SHANK1: variants seen among roughly 807,000 people sequenced by gnomAD.
The protein encoded by SHANK1 is SH3 and multiple ankyrin repeat domains 1, also known as SH3 and multiple ankyrin repeat domains protein 1.
Under a neutral mutation model 165.6 loss-of-function variants are expected in SHANK1, and 35 were observed. The observed-to-expected ratio is 0.21, with a 90% CI of 0.16 to 0.28. SHANK1 has a LOEUF of 0.28. SHANK1 is among the 10% of genes least tolerant of loss of function. The pLI is 1.00. For synonymous variants in SHANK1, 1,428 were observed against 1,384.8 expected (o/e 1.03, Z -0.69); for missense variants, 2,681 against 3,036.4 (o/e 0.88, Z 2.75).
rs995429211 is a variant in SHANK1 at position 50,660,250 on chromosome 19, C to G, written c.*1715G>C. On this transcript the variant is annotated 3_prime_UTR_variant, in exon 24 of 24. Transcript: ENST00000293441. Reference sequence around the variant, plus strand: ...GAGAGAGGAAGCGTGCGGGAAGGAACAGCCATGCTGGAGGGAGAGGGAGCT... The same window carrying G: ...GAGAGAGGAAGCGTGCGGGAAGGAAGAGCCATGCTGGAGGGAGAGGGAGCT... 4.4e-5 allele frequency among the ~76,000 whole-genome samples: 5 copies of G among 113,668 alleles called. No individual in the cohort carries two copies. Among genetic ancestry groups the G allele is most frequent in the African/African-American group, 1.3e-4 (5 of 37,170 alleles). The allele number at this position is 113,668 out of a possible 152,430, so 74.6% of individuals were successfully genotyped here.
At chr19:50,704,291 A>G (rs2088910942) in intron 9 of SHANK1, 105 bp from the exon 10 acceptor site, 2 of 1,341,322 alleles carry the variant, frequency 1.5e-6, no homozygotes, top group Non-Finnish European at 2.1e-6. Flanking sequence ...TTCCACTCCG[A>G]CAATGCCGCC....
rs113910323 is a variant in SHANK1 at position 50,718,705 on chromosome 19, G to A, written c.-44+701C>T. 2.0e-4 allele frequency among the ~76,000 whole-genome samples: 31 copies of A among 151,758 alleles called. No homozygotes were observed. Among genetic ancestry groups the A allele is most frequent in the African/African-American group, 7.2e-4 (30 of 41,398 alleles). On this transcript the variant is annotated intron_variant, in intron 1 of 23. Transcript: ENST00000293441. The surrounding 1 kb of genome is among the most constrained non-coding windows in gnomAD (Gnocchi z 5.1). The stretch of plus-strand genomic sequence containing the variant: ...GGGGGCGGCTGGCGTGGCCGAGAGC[G>A]GGGCCGGGGAGAATGAATGGAGGCG...
chr19:50,676,722 A>C (rs1187461240), intron 21 of SHANK1, among the ~76,000 whole-genome samples: 1 of 152,106 alleles, frequency 6.6e-6, no homozygotes, highest in East Asian at 1.9e-4. Context: ...AGCCCACCCC[A>C]ATACTCTTTC....
At chr19:50,685,397 C>T (rs1009223747) in intron 21 of SHANK1, among the ~76,000 whole-genome samples, 1 of 152,160 alleles carries the variant, frequency 6.6e-6, no homozygotes, top group African/African-American at 2.4e-5. Context: ...GTGTACCTCC[C>T]AGGATGAATC....
chr19:50,664,632 A>C lies in SHANK1; in HGVS notation c.5768+1560T>G, dbSNP rs114098039. Among the ~76,000 whole-genome samples, 1,315 of 152,308 alleles carry C rather than the reference A, an allele frequency of 8.6e-3. 20 individuals are homozygous for C. The highest frequency in any genetic ancestry group is 0.03 in the African/African-American group (1,239 of 41,568). ...AGGTGGGCTCTAGAACCACACCTAT[A>C]ACTGCATCCTGTCTTGAACCACACT... On this transcript the variant is annotated intron_variant, in intron 23 of 23. Transcript: ENST00000293441.
chr19:50,701,642 T>C (rs1406263792), intron 12 of SHANK1, among the ~76,000 whole-genome samples: 1 of 152,106 alleles, frequency 6.6e-6, no homozygotes, highest in East Asian at 1.9e-4. Context: ...GTCACCCTGC[T>C]AGGAAGTGGT....
In SHANK1 at chr19:50,697,537, G is replaced by A. The variant is rs1304279048; in HGVS notation, c.1937+52C>T. 3.8e-6 allele frequency: 5 copies of A among 1,322,458 alleles called. No homozygotes were observed. In the African/African-American group the frequency reaches 7.2e-5, roughly 19 times the overall value. 81.9% of individuals were successfully genotyped at this position (1,322,458 alleles called of 1,614,324 possible). The stretch of plus-strand genomic sequence containing the variant: ...ATGGAAATATTTAAAGGTGTACATT[G>A]TGAAGGGAACTTGGGGTGAGGGGGG... On this transcript the variant is annotated intron_variant, in intron 14 of 23. Transcript: ENST00000293441. The surrounding 1 kb of genome is among the most constrained non-coding windows in gnomAD (Gnocchi z 4.7).
rs148183738 is a variant in SHANK1 at position 50,691,312 on chromosome 19, C to T, written c.1965-2033G>A. ...ATGCATTCTGTAATGTCCCCATTCC[C>T]ACCTTCTTACTCCTCCTCCTGTATC... is the stretch of plus-strand genomic sequence containing the variant. On this transcript the variant is annotated intron_variant, in intron 15 of 23. Coordinates refer to ENST00000293441, the MANE Select transcript of SHANK1 (RefSeq NM_016148.5). Among the ~76,000 whole-genome samples, 275 of 152,234 alleles carry T rather than the reference C, an allele frequency of 1.8e-3. 2 individuals carry two copies. Among genetic ancestry groups the T allele is most frequent in the African/African-American group, 6.5e-3 (268 of 41,544 alleles).
Position 50,661,940 on chromosome 19 carries a change from G to C in SHANK1, c.*25C>G. On this transcript the variant is annotated 3_prime_UTR_variant, in exon 24 of 24. Coordinates refer to ENST00000293441, the MANE Select transcript of SHANK1 (RefSeq NM_016148.5). ...CAGCAGGCTCAAGAGTTCTGTGGAC[G>C]GGGCTGGTCCGTCCAGGCCAGCCAT... The C allele has an allele frequency of 6.2e-7, 1 of 1,612,270 alleles. No homozygotes were observed. The highest frequency in any genetic ancestry group is 8.5e-7 in the Non-Finnish European group (1 of 1,179,192).
intron 15 of SHANK1, among the ~76,000 whole-genome samples, chr19:50,693,637 CG>C (rs58664020): frequency 1 from 151,609 of 151,622 alleles, 75,798 homozygotes; most frequent in Middle Eastern, 1. Flanking sequence ...CTGCTGTGCA[CG>C]GGCGCACCCC....
chr19:50,716,841 C>A lies in SHANK1; in HGVS notation c.79G>T (p.Asp27Tyr), dbSNP rs533410806. The A allele has an allele frequency of 1.3e-6, 2 of 1,554,536 alleles. No homozygotes were observed. The highest frequency in any genetic ancestry group is 1.7e-6 in the Non-Finnish European group (2 of 1,154,526). Residue 27 changes from aspartate (D) to tyrosine (Y), a missense_variant, in exon 2 of 24, where the codon GAC (aspartate) becomes TAC (tyrosine). This residue lies in a region of SHANK1 where 118 missense variants were observed against 106.9 expected (regional missense o/e 1.10). Transcript: ENST00000293441. This position sits in a 1 kb window ranked among gnomAD's most constrained non-coding sequence, Gnocchi z 8.4. The part of the protein sequence containing the change: ...SECPEGGSES[D>Y]SSPDGPGRGP... ...CGACCTGGCCCGTCTGGGGAGCTGT[C>A]GGACTCTGAGCCCCCCTCGGGACAC...
At position 50,688,153 on chromosome 19, in the gene SHANK1, C is replaced by G; in HGVS notation, c.2173-95G>C. 7.0e-7 allele frequency: 1 copy of G among 1,438,010 alleles called. No individual in the cohort carries two copies. The highest frequency in any genetic ancestry group is 9.6e-7 in the Non-Finnish European group (1 of 1,042,734). The allele number at this position is 1,438,010 out of a possible 1,614,324, so 89.1% of individuals were successfully genotyped here. A position where few individuals can be genotyped will look rare whatever the true frequency, so the allele number is the denominator to read the frequency against. ...CAAGGAGGATGCCTCCTGCGCTGCC[C>G]TGTCCATGGCCCTCTGGGCTATGTT... On this transcript the variant is annotated intron_variant, in intron 17 of 23. Coordinates refer to ENST00000293441, the MANE Select transcript of SHANK1 (RefSeq NM_016148.5). The surrounding 1 kb of genome is among the most constrained non-coding windows in gnomAD (Gnocchi z 6.7).
intron 6 of SHANK1, among the ~76,000 whole-genome samples, chr19:50,712,888 T>C (rs2089024032): frequency 6.6e-6 from 1 of 152,116 alleles, no homozygotes. Flanking sequence ...TTAATTTAAA[T>C]TTAAACAGCC....
chr19:50,687,121 C>T (rs1052284874), intron 19 of SHANK1: 1 of 988,430 alleles, frequency 1.0e-6, no homozygotes, highest in Non-Finnish European at 1.4e-6. Context: ...TGGAAGCCCG[C>T]CTCCCTCGGG....
chr19:50,663,626 G>A (rs1985358864), intron 23 of SHANK1, among the ~76,000 whole-genome samples: 1 of 151,912 alleles, frequency 6.6e-6, no homozygotes, highest in African/African-American at 2.4e-5. Context: ...TGCCTGTCCT[G>A]TCCAGCAGGG....
rs561617254 is a variant in SHANK1 at position 50,711,269 on chromosome 19, G to A, written c.1077+102C>T. ...GAAAGGGTGGAAATAGTGAAGAAGT[G>A]GAGGGTGCAGAGATGCAGTCAAGAG... On this transcript the variant is annotated intron_variant, in intron 8 of 23. Coordinates refer to ENST00000293441, the MANE Select transcript of SHANK1 (RefSeq NM_016148.5). 3.4e-4 allele frequency: 232 copies of A among 681,668 alleles called. No homozygotes were observed. The African/African-American group carries it at 3.6e-3, about 11-fold the overall frequency. The allele number at this position is 681,668 out of a possible 1,614,324, so 42.2% of individuals were successfully genotyped here. A position where few individuals can be genotyped will look rare whatever the true frequency, so the allele number is the denominator to read the frequency against.
At chr19:50,687,788 G>T in intron 18 of SHANK1, 126 bp from the exon 19 acceptor site, 1 of 1,386,162 alleles carries the variant, frequency 7.2e-7, no homozygotes, top group Non-Finnish European at 9.8e-7. Flanking sequence ...CCCTGCCTCA[G>T]TTTCTCCCCA....
rs528016439 is a variant in SHANK1 at position 50,696,051 on chromosome 19, C to T, written c.1964+1045G>A. On this transcript the variant is annotated intron_variant, in intron 15 of 23. Coordinates refer to ENST00000293441, the MANE Select transcript of SHANK1 (RefSeq NM_016148.5). ...CAGGAGGAGGGGAAGCTGAGACGCA[C>T]CACACACACAGCAGCACGTGGGAGC... Among the ~76,000 whole-genome samples, 16 of 152,158 alleles carry T rather than the reference C, an allele frequency of 1.1e-4. No homozygotes were observed. In the South Asian group the frequency reaches 3.3e-3, roughly 32 times the overall value.
intron 12 of SHANK1, 126 bp from the exon 13 acceptor site, chr19:50,698,082 A>C: frequency 1.4e-6 from 1 of 695,244 alleles, no homozygotes; most frequent in Non-Finnish European, 2.5e-6. Flanking sequence ...CTTAATAAAC[A>C]TCTGAGGAAG....
Sources: gnomAD v4.1 joint callset for allele counts (sites outside exome capture counted in the v4.1 genomes callset) on GRCh38, gnomAD v4.1.1 for gene constraint, gnomAD v4.1.1 regional missense constraint, Gnocchi (gnomAD v3.1) non-coding constraint, MANE v1.5 for transcripts, NCBI Gene and HGNC (gene_info 2026-07-23, HGNC 2026-07-21) for gene names.